The following MDN1 variants were observed in gnomAD, a reference collection of about 807,000 sequenced individuals.
MDN1 encodes midasin AAA ATPase 1, also known as midasin.
MDN1 carries 266 observed loss-of-function variants against 669.2 expected under a neutral mutation model. The ratio of observed to expected loss-of-function variants is 0.40; its 90% CI spans 0.36 to 0.44. The LOEUF (loss-of-function observed/expected upper bound fraction) is 0.44. Among genes scored for constraint, MDN1 ranks in the 20% least tolerant of loss-of-function variants. MDN1 has a pLI of 1.00. For synonymous variants in MDN1, 2,385 were observed against 2,457.1 expected, an observed-to-expected ratio of 0.97 and a Z score of 0.87; for missense variants, 5,940 against 6,754.0, an observed-to-expected ratio of 0.88 and a Z score of 4.22.
rs1212162078 is a variant in MDN1 at position 89,802,512 on chromosome 6, G to A, written c.329+816C>T. ...ATCCTGGCCAACATGGTGAAACCCC[G>A]TCTCTACTAAAAATACAAAAATTAG... On this transcript the variant is annotated intron_variant, in intron 2 of 101. Coordinates refer to ENST00000369393, the MANE Select transcript of MDN1 (RefSeq NM_014611.3). Among the ~76,000 whole-genome samples, 3 of 152,052 alleles carry A rather than the reference G, an allele frequency of 2.0e-5. No homozygotes were observed. In the East Asian group the frequency reaches 5.8e-4, roughly 29 times the overall value.
At chr6:89,812,276 G>T (rs936987245) in intron 1 of MDN1, among the ~76,000 whole-genome samples, 7 of 151,758 alleles carry the variant, frequency 4.6e-5, no homozygotes, top group Non-Finnish European at 1.0e-4. Context: ...GAGCCACCGC[G>T]CCCAGCCAAG....
intron 67 of MDN1, among the ~76,000 whole-genome samples, 196 bp from the exon 68 acceptor site, chr6:89,687,634 A>C (rs1812106611): frequency 6.6e-6 from 1 of 152,214 alleles, no homozygotes; most frequent in Admixed American, 6.5e-5. Flanking sequence ...ACCAGAGCCA[A>C]GTTTAGAGGC....
intron 9 of MDN1, 22 bp downstream of exon 9, chr6:89,784,990 A>C (rs1340447768): frequency 6.6e-7 from 1 of 1,510,604 alleles, no homozygotes; most frequent in Admixed American, 1.7e-5. Context: ...GCCAGCATTG[A>C]TACTTTCCAA....
chr6:89,810,731 C>G (rs929405283), intron 1 of MDN1, among the ~76,000 whole-genome samples: 4 of 152,110 alleles, frequency 2.6e-5, no homozygotes, highest in Admixed American at 2.0e-4. Context: ...GGTGTGGTGG[C>G]TCACGGCTGT....
At chr6:89,678,958 A>G (rs151180133) in intron 74 of MDN1, among the ~76,000 whole-genome samples, 1 of 152,332 alleles carries the variant, frequency 6.6e-6, no homozygotes, top group African/African-American at 2.4e-5. Context: ...AAATAGAAAA[A>G]TAACACACAG....
rs1279827098 is a variant in MDN1, at chr6:89,718,559, C to G, written c.6390G>C (p.Arg2130Ser). ...CATCAGCACTGATAAGGAGGCTATCCCTTAACAGTGCCCTTACAGTTCCCT... is the reference window on the plus strand; with the variant it reads ...CATCAGCACTGATAAGGAGGCTATCGCTTAACAGTGCCCTTACAGTTCCCT... ...KVEGTVRALL[R>S]DSLLISADDA... The change falls in exon 43 of 102, where the codon AGG (arginine) becomes AGC (serine). Residue 2130 changes from arginine to serine, a missense_variant. Physicochemically the swap from Arg to Ser is moderately radical, Grantham distance 110. This residue lies in a region of MDN1 where 2,292 missense variants were observed against 2,638.3 expected (regional missense o/e 0.87). Coordinates refer to ENST00000369393, the MANE Select transcript of MDN1 (RefSeq NM_014611.3). The G allele has an allele frequency of 6.2e-7, 1 of 1,614,144 alleles. No homozygotes were observed. The highest frequency in any genetic ancestry group is 8.5e-7 in the Non-Finnish European group (1 of 1,180,042).
intron 69 of MDN1, 133 bp from the exon 70 acceptor site, chr6:89,686,106 G>A: frequency 3.6e-6 from 3 of 836,946 alleles, no homozygotes; most frequent in Non-Finnish European, 5.4e-6. Flanking sequence ...TCTCAAGCAA[G>A]GACCATGGCT....
At position 89,712,688 on chromosome 6, in the gene MDN1, C is replaced by G; in HGVS notation, c.7317G>C (p.Val2439=). The stretch of plus-strand genomic sequence containing the variant: ...CTTCAGTAGCAAAGAGAGCTGAGGG[C>G]ACAGAATCTGGCCACAGTCCCATGC... The part of the protein sequence containing the change: ...ILGMGLWPDS[V]PSALFATEDS... Residue 2439 remains valine (V), a synonymous_variant, in exon 48 of 102, where the codon GTG becomes GTC. Coordinates refer to ENST00000369393, the MANE Select transcript of MDN1 (RefSeq NM_014611.3). 6.2e-7 allele frequency: 1 copy of G among 1,614,092 alleles called. No individual in the cohort carries two copies. The highest frequency in any genetic ancestry group is 1.3e-5 in the African/African-American group (1 of 75,030).
chr6:89,766,056 A>G (rs6454777), intron 15 of MDN1, among the ~76,000 whole-genome samples: 78,581 of 152,036 alleles, frequency 0.52, 20,637 homozygotes, highest in East Asian at 0.68. Context: ...GCACTTTGGG[A>G]CGCTGAGGCA....
At chr6:89,753,333 A>G (rs1817051103) in intron 22 of MDN1, among the ~76,000 whole-genome samples, 179 bp downstream of exon 22, 1 of 152,174 alleles carries the variant, frequency 6.6e-6, no homozygotes, top group Non-Finnish European at 1.5e-5. Flanking sequence ...AAATCTCCAA[A>G]GAGCACGCTT....
intron 15 of MDN1, 130 bp from the exon 16 acceptor site, chr6:89,762,660 T>TA (rs1817616151): frequency 4.5e-6 from 3 of 665,274 alleles, no homozygotes; most frequent in Non-Finnish European, 7.6e-6. Context: ...CTGAAATATT[T>TA]AAAATCTACG....
chr6:89,816,767 C>T (rs184107133), intron 1 of MDN1, among the ~76,000 whole-genome samples: 126 of 151,216 alleles, frequency 8.3e-4, no homozygotes, highest in African/African-American at 2.8e-3. Flanking sequence ...TTCCACCTCC[C>T]GGGTTCACGC....
At chr6:89,765,182 C>T (rs960145581) in intron 15 of MDN1, among the ~76,000 whole-genome samples, 3 of 152,078 alleles carry the variant, frequency 2.0e-5, no homozygotes, top group Non-Finnish European at 4.4e-5. Flanking sequence ...GGCGTGAACC[C>T]GGGAACAGAG....
chr6:89,733,648 C>T (rs1187325995), intron 33 of MDN1, among the ~76,000 whole-genome samples: 1 of 150,124 alleles, frequency 6.7e-6, no homozygotes, highest in African/African-American at 2.4e-5. Flanking sequence ...AAAAAAAACT[C>T]TTTAAAAAGA....
intron 55 of MDN1, among the ~76,000 whole-genome samples, chr6:89,701,347 C>T (rs115610519): frequency 0.011 from 1,695 of 152,254 alleles, 28 homozygotes; most frequent in African/African-American, 0.039. Context: ...ACACACACAA[C>T]GCCATTTTAT....
At chr6:89,664,813 C>T (rs1018026267) in intron 84 of MDN1, among the ~76,000 whole-genome samples, 185 bp from the exon 85 acceptor site, 2 of 152,050 alleles carry the variant, frequency 1.3e-5, no homozygotes, top group African/African-American at 4.8e-5. Flanking sequence ...TTGTTTTAAT[C>T]AGAGTATAGA....
rs771164911 is a variant in MDN1, at chr6:89,695,982, A to T, written c.9394T>A (p.Ser3132Thr). Residue 3132 changes from serine to threonine, a missense_variant, in exon 61 of 102, where the codon TCC becomes ACC. Transcript: ENST00000369393. The surrounding 1 kb of genome is among the most constrained non-coding windows in gnomAD (Gnocchi z 4.1). ...AACAGCACCTGCCCCTGGAGTTGGGAATCCGTGCGTCTGTGGGGACAAAAA... is the reference window on the plus strand; with the variant it reads ...AACAGCACCTGCCCCTGGAGTTGGGTATCCGTGCGTCTGTGGGGACAAAAA... ...SSVAEFRRTD[S>T]QLQGQVLFRH... 1.9e-6 allele frequency: 3 copies of T among 1,607,330 alleles called. No homozygotes were observed. The South Asian group carries it at 3.3e-5, about 18-fold the overall frequency.
intron 58 of MDN1, 85 bp from the exon 59 acceptor site, chr6:89,699,120 T>C: frequency 8.1e-7 from 1 of 1,234,850 alleles, no homozygotes; most frequent in Non-Finnish European, 1.1e-6. Flanking sequence ...AAGGCCCATC[T>C]AAAACTGTCA....
intron 91 of MDN1, 28 bp from the exon 92 acceptor site, chr6:89,655,996 G>A: frequency 5.6e-6 from 9 of 1,597,296 alleles, no homozygotes; most frequent in Non-Finnish European, 7.7e-6. Flanking sequence ...ATTCATCAGA[G>A]CCTTGCCTGT....
Sources: allele counts gnomAD v4.1 joint callset (sites outside exome capture counted in the v4.1 genomes callset), GRCh38; gene constraint gnomAD v4.1.1; regional missense constraint gnomAD v4.1.1; non-coding constraint Gnocchi (gnomAD v3.1); transcripts MANE v1.5; gene names NCBI Gene and HGNC (gene_info 2026-07-23, HGNC 2026-07-21).